AMOTL1: variants seen among roughly 807,000 people sequenced by gnomAD.
AMOTL1 encodes angiomotin like 1.
AMOTL1 carries 45 observed loss-of-function variants against 102.9 expected under a neutral mutation model. The ratio of observed to expected loss-of-function variants is 0.44; its 90% CI spans 0.34 to 0.56. The LOEUF is 0.56. Among genes scored for constraint, AMOTL1 ranks in the 20% least tolerant of loss-of-function variants. The probability of loss-of-function intolerance (pLI) is 0.01; values close to 1 mark genes in which losing one functional copy is unlikely to be tolerated. For synonymous variants in AMOTL1, 481 were observed against 484.7 expected (o/e 0.99, Z 0.10); for missense variants, 1,114 against 1,225.6 (o/e 0.91, Z 1.36).
At chr11:94,787,471 C>T (rs548110929) in intron 1 of AMOTL1, among the ~76,000 whole-genome samples, 5 of 151,862 alleles carry the variant, frequency 3.3e-5, no homozygotes, top group Admixed American at 2.0e-4. Flanking sequence ...GGGCGGATCA[C>T]GAGGTCAGGA....
rs1198931302 is a variant in AMOTL1 at position 94,875,170 on chromosome 11, C to T, written c.*4375C>T. ...TTTAAAATGTCTTCATTAGATGTGA[C>T]GATTGTTTAATGAGTTTGCCTCTGA... On this transcript the variant is annotated 3_prime_UTR_variant, in exon 13 of 13. Coordinates refer to ENST00000433060, the MANE Select transcript of AMOTL1 (RefSeq NM_130847.3). The T allele has an allele frequency of 2.0e-5, 3 of 152,098 alleles. No individual in the cohort carries two copies. Among genetic ancestry groups the T allele is most frequent in the Admixed American group, 1.3e-4 (2 of 15,268 alleles). The allele number at this position is 152,098 out of a possible 1,614,324, so 9.4% of individuals were successfully genotyped here. A position where few individuals can be genotyped will look rare whatever the true frequency, so the allele number is the denominator to read the frequency against.
At chr11:94,754,625 A>T (rs1476983021) in intron 3 of AMOTL1, among the ~76,000 whole-genome samples, 1 of 152,118 alleles carries the variant, frequency 6.6e-6, no homozygotes, top group Non-Finnish European at 1.5e-5. Context: ...CATCCTTATC[A>T]GTATTGCTTT....
At chr11:94,708,197 G>A (rs1591873578) in intron 1 of AMOTL1, among the ~76,000 whole-genome samples, 2 of 152,240 alleles carry the variant, frequency 1.3e-5, no homozygotes, top group South Asian at 4.1e-4. Context: ...AGTATAAGAC[G>A]CTCTAAGCTT....
intron 6 of AMOTL1, among the ~76,000 whole-genome samples, chr11:94,840,701 C>CACATATATATATACATATATATGT: frequency 6.9e-6 from 1 of 145,696 alleles, no homozygotes; most frequent in Non-Finnish European, 1.5e-5. Context: ...CACACACACA[C>CACATATATATATACATATATATGT]ACACACATAT....
At chr11:94,794,916 A>G in intron 1 of AMOTL1, 95 bp from the exon 2 acceptor site, 1 of 1,358,670 alleles carries the variant, frequency 7.4e-7, no homozygotes, top group South Asian at 1.6e-5. Context: ...AAGTTGAAAC[A>G]CTGTGGGAGA....
intron 1 of AMOTL1, among the ~76,000 whole-genome samples, chr11:94,793,022 GCA>G (rs144524456): frequency 6.6e-5 from 10 of 151,134 alleles, no homozygotes; most frequent in African/African-American, 1.9e-4. Context: ...CACATTGAAA[GCA>G]CACACACACA....
Position 94,768,526 on chromosome 11 carries a change from G to GTT in AMOTL1, c.16_17dup (p.Leu6PhefsTer11). The GTT allele has an allele frequency of 6.2e-7, 1 of 1,602,252 alleles. No homozygotes were observed. Among genetic ancestry groups the GTT allele is most frequent in the Non-Finnish European group, 8.5e-7 (1 of 1,174,880 alleles). ...ATGATCGCCTCATGTGGAGGGCAAA[G>GTT]TTGCGCCGGGGAACTTGTGAGCCTG... On this transcript the variant is annotated frameshift_variant, in exon 1 of 13. Transcript: ENST00000433060. LOFTEE classifies it high-confidence loss of function.
At chr11:94,729,499 C>T (rs1950313159) in intron 2 of AMOTL1, among the ~76,000 whole-genome samples, 1 of 151,978 alleles carries the variant, frequency 6.6e-6, no homozygotes. Context: ...ACAGAGTAGG[C>T]CAGCTCTTTC....
intron 11 of AMOTL1, among the ~76,000 whole-genome samples, chr11:94,867,423 G>A (rs952165404): frequency 6.6e-6 from 1 of 152,194 alleles, no homozygotes; most frequent in Non-Finnish European, 1.5e-5. Context: ...CTCCCTGGGA[G>A]TCCCCTGTTT....
chr11:94,754,737 T>G (rs980584737), intron 3 of AMOTL1, among the ~76,000 whole-genome samples: 1 of 152,176 alleles, frequency 6.6e-6, no homozygotes, highest in Non-Finnish European at 1.5e-5. Context: ...CTAGTGTAGG[T>G]AGGTTGGTAT....
chr11:94,707,214 G>A (rs1001266072), intron 1 of AMOTL1, among the ~76,000 whole-genome samples: 1 of 132,248 alleles, frequency 7.6e-6, no homozygotes, highest in Non-Finnish European at 1.6e-5. Flanking sequence ...TATACATGAG[G>A]TCTCTCTCTC....
chr11:94,812,606 A>G (rs1235844929), intron 3 of AMOTL1, among the ~76,000 whole-genome samples: 3 of 152,302 alleles, frequency 2.0e-5, no homozygotes, highest in South Asian at 2.1e-4. Context: ...TGAGGAAAGT[A>G]TATAGTTTTT....
At chr11:94,850,748 C>T (rs1251599993) in intron 7 of AMOTL1, among the ~76,000 whole-genome samples, 2 of 152,230 alleles carry the variant, frequency 1.3e-5, no homozygotes, top group African/African-American at 2.4e-5. Flanking sequence ...CTCACACCTT[C>T]CAGCACCCTG....
At chr11:94,707,240 CTCTCTCTCTCTGTGTG>C (rs1301885578) in intron 1 of AMOTL1, among the ~76,000 whole-genome samples, 8 of 86,994 alleles carry the variant, frequency 9.2e-5, no homozygotes, top group Admixed American at 2.6e-4. Context: ...CTCTCTCTCT[CTCTCTCTCTCTGTGTG>C]TGTGTGTGTG....
At chr11:94,830,594 G>A (rs1378960688) in intron 5 of AMOTL1, among the ~76,000 whole-genome samples, 1 of 152,234 alleles carries the variant, frequency 6.6e-6, no homozygotes, top group East Asian at 1.9e-4. Flanking sequence ...TTGAAAAGCA[G>A]CACTTAACTA....
Position 94,800,077 on chromosome 11 carries a change from C to T in AMOTL1, c.887C>T (p.Pro296Leu), listed in dbSNP as rs1951445977. The T allele has an allele frequency of 6.2e-7, 1 of 1,613,826 alleles. No individual in the cohort carries two copies. Among genetic ancestry groups the T allele is most frequent in the South Asian group, 1.1e-5 (1 of 91,072 alleles). The change falls in exon 3 of 13, where the codon CCT (proline) becomes CTT (leucine). Residue 296 changes from proline to leucine, a missense_variant. Transcript: ENST00000433060. ...KGFKVGGGPS[P>L]AQPAGKVLDP... ...TTCAAAGTAGGAGGGGGGCCCTCCCCTGCCCAGCCTGCAGGTAAAGTGCTG... is the reference window on the plus strand; with the variant it reads ...TTCAAAGTAGGAGGGGGGCCCTCCCTTGCCCAGCCTGCAGGTAAAGTGCTG...
chr11:94,720,930 G>A (rs929179384), intron 1 of AMOTL1, among the ~76,000 whole-genome samples: 8 of 152,096 alleles, frequency 5.3e-5, no homozygotes, highest in African/African-American at 1.9e-4. Flanking sequence ...ACCTGTCCAG[G>A]CCAAGCATTA....
At chr11:94,820,647 T>C (rs540361085) in intron 3 of AMOTL1, among the ~76,000 whole-genome samples, 1 of 152,336 alleles carries the variant, frequency 6.6e-6, no homozygotes, top group South Asian at 2.1e-4. Context: ...CTATTATTAT[T>C]ACATTGTAAT....
intron 2 of AMOTL1, among the ~76,000 whole-genome samples, chr11:94,735,637 T>G (rs949946290): frequency 2.6e-5 from 4 of 152,214 alleles, no homozygotes; most frequent in African/African-American, 7.2e-5. Context: ...TTTTTGCCTT[T>G]AATCTGGAAT....
Sources: allele counts gnomAD v4.1 joint callset (sites outside exome capture counted in the v4.1 genomes callset), GRCh38; gene constraint gnomAD v4.1.1; transcripts MANE v1.5; gene names NCBI Gene and HGNC (gene_info 2026-07-23, HGNC 2026-07-21).